The following VSTM4 variants were observed in gnomAD, a reference collection of about 807,000 sequenced individuals.
VSTM4 encodes the protein V-set and transmembrane domain-containing protein 4.
VSTM4 carries 20 observed loss-of-function variants against 36.4 expected under a neutral mutation model. That is an observed-to-expected ratio of 0.55 (90% CI 0.39 to 0.80). The LOEUF (loss-of-function observed/expected upper bound fraction) is 0.80, where lower values mean the gene tolerates loss of function less well. Ranked by LOEUF, VSTM4 falls within the 30% of genes least tolerant of loss-of-function variation. VSTM4 has a pLI of 0.00. For missense variants in VSTM4, 392 were observed against 404.5 expected (o/e 0.97, Z 0.26); for synonymous variants, 182 against 173.9 (o/e 1.05, Z -0.37).
intron 5 of VSTM4, among the ~76,000 whole-genome samples, chr10:49,060,064 A>G (rs1166508166): frequency 1.3e-5 from 2 of 152,194 alleles, no homozygotes; most frequent in African/African-American, 2.4e-5. Context: ...ACTAAGTGGT[A>G]CCTCACTGGG....
intron 2 of VSTM4, among the ~76,000 whole-genome samples, chr10:49,096,348 T>C (rs1844569586): frequency 6.6e-6 from 1 of 152,204 alleles, no homozygotes; most frequent in Admixed American, 6.5e-5. Context: ...CAAACAGTTT[T>C]TTCCATTTGC....
In VSTM4 at chr10:49,019,877, T is replaced by C. The variant is rs867080766; in HGVS notation, c.838-102A>G. 4 of 1,443,772 alleles carry C rather than the reference T, an allele frequency of 2.8e-6. No homozygotes were observed. In the African/African-American group the frequency reaches 5.7e-5, roughly 21 times the overall value. The allele number at this position is 1,443,772 out of a possible 1,614,324, so 89.4% of individuals were successfully genotyped here. On this transcript the variant is annotated intron_variant, in intron 7 of 7. Transcript: ENST00000332853. ...TATGCATGTTCATAGCATTTTGGGA[T>C]TCAGCGAGGGATAAGTGGACAAGAA...
At chr10:49,075,869 C>G (rs1844167542) in intron 4 of VSTM4, among the ~76,000 whole-genome samples, 2 of 152,220 alleles carry the variant, frequency 1.3e-5, no homozygotes, top group Non-Finnish European at 2.9e-5. Flanking sequence ...AGCAGGAGAT[C>G]CAAAGTGGGG....
intron 7 of VSTM4, among the ~76,000 whole-genome samples, chr10:49,020,262 CA>C (rs1843161923): frequency 6.6e-6 from 1 of 152,120 alleles, no homozygotes; most frequent in Admixed American, 6.5e-5. Flanking sequence ...TATTCCTTGC[CA>C]AAACCTAAAG....
chr10:49,021,709 T>G (rs192505949), intron 7 of VSTM4, among the ~76,000 whole-genome samples: 2 of 150,584 alleles, frequency 1.3e-5, no homozygotes, highest in Non-Finnish European at 3.0e-5. Flanking sequence ...AAAAAAAAGG[T>G]TGACAAAACA....
chr10:49,050,771 C>T (rs773153458), intron 5 of VSTM4, among the ~76,000 whole-genome samples: 1 of 152,140 alleles, frequency 6.6e-6, no homozygotes, highest in East Asian at 1.9e-4. Flanking sequence ...AATGCATGCT[C>T]GTGTTTAAAA....
intron 7 of VSTM4, among the ~76,000 whole-genome samples, chr10:49,026,451 G>T (rs968935317): frequency 2.0e-5 from 3 of 152,250 alleles, no homozygotes; most frequent in African/African-American, 7.2e-5. Flanking sequence ...CCTGGACTAT[G>T]CCCAGATATC....
At chr10:49,039,941 G>A (rs1352608578) in intron 7 of VSTM4, among the ~76,000 whole-genome samples, 2 of 152,206 alleles carry the variant, frequency 1.3e-5, no homozygotes, top group Non-Finnish European at 2.9e-5. Flanking sequence ...CTGAAACAAG[G>A]AAGTAATGAC....
intron 5 of VSTM4, among the ~76,000 whole-genome samples, chr10:49,056,277 G>A (rs1843777354): frequency 1.3e-5 from 2 of 152,374 alleles, no homozygotes; most frequent in South Asian, 4.1e-4. Context: ...TTGCCAGGCT[G>A]GCGTTTTTGT....
Position 49,016,118 on chromosome 10 carries a change from TTTTGTTTGTTTG to T in VSTM4, c.*3520_*3531del, listed in dbSNP as rs10542377. The T allele has an allele frequency of 2.6e-5, 4 of 151,442 alleles. No homozygotes were observed. Among genetic ancestry groups the T allele is most frequent in the African/African-American group, 9.7e-5 (4 of 41,124 alleles). 9.4% of individuals were successfully genotyped at this position (151,442 alleles called of 1,614,324 possible). ...GGCACCCTGGGTACTGATATCAGTA[TTTTGTTTGTTTG>T]TTTGTTTGTTTGTTTTGCTTCCTGT... On this transcript the variant is annotated 3_prime_UTR_variant, in exon 8 of 8. Transcript: ENST00000332853.
intron 2 of VSTM4, 108 bp from the exon 3 acceptor site, chr10:49,086,131 T>A: frequency 1.5e-6 from 1 of 661,112 alleles, no homozygotes; most frequent in Non-Finnish European, 2.5e-6. Context: ...CACATTTAGT[T>A]GTCAAAACTC....
intron 3 of VSTM4, among the ~76,000 whole-genome samples, chr10:49,078,849 A>AT (rs35247153): frequency 0.096 from 14,663 of 152,200 alleles, 945 homozygotes; most frequent in East Asian, 0.21. Context: ...TTAGAAATTG[A>AT]TTTTTTCTTT....
chr10:49,021,828 T>C (rs1843185975), intron 7 of VSTM4, among the ~76,000 whole-genome samples: 1 of 152,188 alleles, frequency 6.6e-6, no homozygotes, highest in South Asian at 2.1e-4. Context: ...TATAACGCAA[T>C]ATACGGTGCA....
intron 6 of VSTM4, among the ~76,000 whole-genome samples, chr10:49,047,677 C>G (rs528704379): frequency 1.3e-5 from 2 of 152,298 alleles, no homozygotes; most frequent in Admixed American, 1.3e-4. Flanking sequence ...CTCCCAGGTC[C>G]ATGCTTTTCA....
chr10:49,088,846 C>A (rs1174804400), intron 2 of VSTM4, among the ~76,000 whole-genome samples: 3 of 152,336 alleles, frequency 2.0e-5, no homozygotes, highest in African/African-American at 7.2e-5. Flanking sequence ...CTTCAAGGAG[C>A]TTGGTTTCCA....
chr10:49,085,871 C>A, intron 3 of VSTM4, 84 bp downstream of exon 3: 1 of 853,874 alleles, frequency 1.2e-6, no homozygotes, highest in Non-Finnish European at 1.8e-6. Flanking sequence ...CACATGTACC[C>A]TAGAACTTAA....
intron 4 of VSTM4, among the ~76,000 whole-genome samples, chr10:49,071,415 G>T (rs1482130459): frequency 1.3e-5 from 2 of 152,242 alleles, no homozygotes; most frequent in African/African-American, 4.8e-5. Flanking sequence ...GGGATGAGGT[G>T]CCTGGCACTG....
chr10:49,048,533 C>T lies in VSTM4; in HGVS notation c.720G>A (p.Lys240=). 1 of 1,599,338 alleles carries T rather than the reference C, an allele frequency of 6.3e-7. No individual in the cohort carries two copies. Among genetic ancestry groups the T allele is most frequent in the Non-Finnish European group, 8.5e-7 (1 of 1,174,476 alleles). Residue 240 remains lysine, a synonymous_variant, in exon 6 of 8, where the codon AAG becomes AAA. Transcript: ENST00000332853. ...GCTTCTCCTTCTGCCTCTTGCCCTT[C>T]TTGGGCTGTAGTGGGGCCAAGCTGG... ...SVTSLAPLQP[K]KGKRQKEKPD...
At chr10:49,111,876 T>A (rs1249082699) in intron 1 of VSTM4, among the ~76,000 whole-genome samples, 3 of 152,114 alleles carry the variant, frequency 2.0e-5, no homozygotes. Flanking sequence ...CATGGCAAGA[T>A]CCTGATCTAG....
Sources: allele counts gnomAD v4.1 joint callset (sites outside exome capture counted in the v4.1 genomes callset), GRCh38; gene constraint gnomAD v4.1.1; transcripts MANE v1.5; gene names NCBI Gene and HGNC (gene_info 2026-07-23, HGNC 2026-07-21).